The following QTMAN variants were observed in gnomAD, a reference collection of about 807,000 sequenced individuals.
QTMAN encodes tRNA-queuosine alpha-mannosyltransferase.
chr2:144,317,982 T>G, the QTMAN span, among the ~76,000 whole-genome samples: 404 of 152,310 alleles, frequency 2.7e-3, no homozygotes, highest in African/African-American at 9.3e-3. Flanking sequence ...TTGGCATTAT[T>G]ATATTTTGAA....
the QTMAN span, among the ~76,000 whole-genome samples, chr2:144,271,302 G>A: frequency 6.6e-6 from 1 of 152,210 alleles, no homozygotes; most frequent in Non-Finnish European, 1.5e-5. Context: ...CACTTGAAGT[G>A]TGACCCTATT....
At chr2:144,056,855 G>A in the QTMAN span, among the ~76,000 whole-genome samples, 1 of 152,348 alleles carries the variant, frequency 6.6e-6, no homozygotes, top group East Asian at 1.9e-4. Flanking sequence ...TAGTGGTGCT[G>A]AAGAATCCAA....
the QTMAN span, among the ~76,000 whole-genome samples, chr2:144,098,551 C>T: frequency 6.6e-6 from 1 of 151,798 alleles, no homozygotes; most frequent in Non-Finnish European, 1.5e-5. Context: ...CCCATCTCTA[C>T]TAAAATACAA....
the QTMAN span, among the ~76,000 whole-genome samples, chr2:144,191,532 GA>G: frequency 2.0e-5 from 3 of 152,062 alleles, no homozygotes; most frequent in Non-Finnish European, 4.4e-5. Context: ...AACACAATTA[GA>G]ATACTGGATA....
At chr2:144,220,255 T>C in the QTMAN span, among the ~76,000 whole-genome samples, 1 of 152,168 alleles carries the variant, frequency 6.6e-6, no homozygotes, top group Non-Finnish European at 1.5e-5. Context: ...CTGTTAATAA[T>C]AGATTGGGAT....
the QTMAN span, among the ~76,000 whole-genome samples, chr2:144,269,415 T>G: frequency 6.6e-6 from 1 of 152,166 alleles, no homozygotes; most frequent in Non-Finnish European, 1.5e-5. Flanking sequence ...TTGTCCTAAT[T>G]TCACAACTGT....
At chr2:144,048,257 A>C in the QTMAN span, among the ~76,000 whole-genome samples, 1 of 152,236 alleles carries the variant, frequency 6.6e-6, no homozygotes, top group East Asian at 1.9e-4. Context: ...CAATTAATAT[A>C]CATGGACTAT....
the QTMAN span, among the ~76,000 whole-genome samples, chr2:143,968,249 G>C: frequency 6.6e-6 from 1 of 152,142 alleles, no homozygotes; most frequent in Non-Finnish European, 1.5e-5. Flanking sequence ...ACAGAAGCAC[G>C]TGTATAGACA....
chr2:144,259,113 T>C, the QTMAN span, among the ~76,000 whole-genome samples: 16 of 152,292 alleles, frequency 1.1e-4, no homozygotes, highest in Non-Finnish European at 2.1e-4. Context: ...ACATTTCCAA[T>C]AGTCTCTGAA....
the QTMAN span, among the ~76,000 whole-genome samples, chr2:144,093,798 G>A: frequency 2.6e-5 from 4 of 152,138 alleles, no homozygotes; most frequent in Admixed American, 2.6e-4. Context: ...GTTGGTGTGT[G>A]TGTTACTGTC....
chr2:144,046,761 C>G, the QTMAN span, among the ~76,000 whole-genome samples: 1 of 152,140 alleles, frequency 6.6e-6, no homozygotes, highest in African/African-American at 2.4e-5. Context: ...CTTTACATTT[C>G]TAACAAAATA....
chr2:144,049,641 A>G, the QTMAN span, among the ~76,000 whole-genome samples: 1 of 152,170 alleles, frequency 6.6e-6, no homozygotes, highest in Admixed American at 6.5e-5. Flanking sequence ...TGAGATTTTA[A>G]ACTTTGCTTC....
chr2:144,197,216 C>A, the QTMAN span, among the ~76,000 whole-genome samples: 1 of 151,864 alleles, frequency 6.6e-6, no homozygotes, highest in Non-Finnish European at 1.5e-5. Context: ...TAAAAACAGG[C>A]AATTATAATC....
the QTMAN span, among the ~76,000 whole-genome samples, chr2:144,091,036 G>GAC: frequency 2.3e-4 from 35 of 150,990 alleles, no homozygotes; most frequent in East Asian, 1.2e-3. Context: ...TTGAGAAACA[G>GAC]ACACACACAC....
At chr2:144,318,894 C>G in the QTMAN span, among the ~76,000 whole-genome samples, 2 of 152,172 alleles carry the variant, frequency 1.3e-5, no homozygotes, top group Admixed American at 6.5e-5. Flanking sequence ...CCATGCACCT[C>G]ATTTCCCAGC....
the QTMAN span, among the ~76,000 whole-genome samples, chr2:144,093,538 A>T: frequency 6.6e-6 from 1 of 152,254 alleles, no homozygotes; most frequent in Non-Finnish European, 1.5e-5. Flanking sequence ...ATACGACTGT[A>T]TTATAATCGT....
At chr2:144,242,157 G>C in the QTMAN span, among the ~76,000 whole-genome samples, 1 of 152,088 alleles carries the variant, frequency 6.6e-6, no homozygotes, top group Non-Finnish European at 1.5e-5. Flanking sequence ...TCCAGATTGT[G>C]ACTCAGAATA....
chr2:144,279,966 A>G, the QTMAN span, among the ~76,000 whole-genome samples: 3 of 152,174 alleles, frequency 2.0e-5, no homozygotes, highest in African/African-American at 7.2e-5. Context: ...GGAGAAGGTA[A>G]TAAAATTTGA....
the QTMAN span, among the ~76,000 whole-genome samples, chr2:144,297,404 C>G: frequency 6.6e-6 from 1 of 151,866 alleles, no homozygotes; most frequent in Admixed American, 6.6e-5. Flanking sequence ...AACTCCTGGC[C>G]TATAGTAAAA....
Sources: gnomAD v4.1 joint callset for allele counts (sites outside exome capture counted in the v4.1 genomes callset) on GRCh38, gnomAD v4.1.1 for gene constraint, MANE v1.5 for transcripts, NCBI Gene and HGNC (gene_info 2026-07-23, HGNC 2026-07-21) for gene names.